USPL1: variants seen among roughly 807,000 people sequenced by gnomAD.
USPL1 encodes the protein ubiquitin specific peptidase like 1.
A neutral mutation model predicts 51.5 loss-of-function variants in USPL1; 27 were observed. That is an observed-to-expected ratio of 0.52 (90% CI 0.39 to 0.72). The LOEUF is 0.72. Ranked by LOEUF, USPL1 falls within the 30% of genes least tolerant of loss-of-function variation. The pLI is 0.00. For missense variants in USPL1, 1,226 were observed against 1,268.0 expected, an observed-to-expected ratio of 0.97 and a Z score of 0.50; for synonymous variants, 451 against 459.6, an observed-to-expected ratio of 0.98 and a Z score of 0.24.
Position 30,641,820 on chromosome 13 carries a change from T to C in USPL1, c.983-808T>C, listed in dbSNP as rs141080672. 4.7e-3 allele frequency among the ~76,000 whole-genome samples: 720 copies of C among 152,260 alleles called. 10 individuals carry two copies. Among genetic ancestry groups the C allele is most frequent in the African/African-American group, 0.017 (690 of 41,560 alleles). Reference sequence around the variant, plus strand: ...CCTCTCCACAGGTGGAACAAGATGATCAGAATAGAAATGGCCAATTCTGAT... The same window carrying C: ...CCTCTCCACAGGTGGAACAAGATGACCAGAATAGAAATGGCCAATTCTGAT... On this transcript the variant is annotated intron_variant, in intron 5 of 8. Coordinates refer to ENST00000255304, the MANE Select transcript of USPL1 (RefSeq NM_005800.5).
In USPL1 at chr13:30,658,576, A is replaced by G. The variant is rs1022774561; in HGVS notation, c.2499A>G (p.Pro833=). The change falls in exon 9 of 9, where the codon CCA becomes CCG. Residue 833 remains proline, a synonymous_variant. Coordinates refer to ENST00000255304, the MANE Select transcript of USPL1 (RefSeq NM_005800.5). ...TCAGTAAGCCACCAGCAGGCCCTCCATCGTCTAATGGCACAGCTGCCCACC... is the reference window on the plus strand; with the variant it reads ...TCAGTAAGCCACCAGCAGGCCCTCCGTCGTCTAATGGCACAGCTGCCCACC... ...PPISKPPAGP[P]SSNGTAAHPH... 7.4e-6 allele frequency: 12 copies of G among 1,614,076 alleles called. No homozygotes were observed. Among genetic ancestry groups the G allele is most frequent in the South Asian group, 4.4e-5 (4 of 91,090 alleles).
At chr13:30,643,555 A>G (rs1034126779) in intron 6 of USPL1, among the ~76,000 whole-genome samples, 1 of 150,416 alleles carries the variant, frequency 6.6e-6, no homozygotes, top group Admixed American at 6.6e-5. Flanking sequence ...AGACTGGCTC[A>G]ATTGTTCGTG....
intron 7 of USPL1, among the ~76,000 whole-genome samples, chr13:30,650,826 C>A (rs1159096632): frequency 1.3e-5 from 2 of 151,842 alleles, no homozygotes; most frequent in African/African-American, 4.8e-5. Flanking sequence ...CCCATCTCTA[C>A]TAAAAATACA....
In USPL1 at chr13:30,631,307, C is replaced by T. The variant is rs1480119016; in HGVS notation, c.701C>T (p.Ala234Val). The part of the protein sequence containing the change: ...ALCVQWKNAY[A>V]LCWLDCILSA... Reference sequence around the variant, plus strand: ...TGTGTCCAGTGGAAAAATGCTTATGCTCTCTGTTGGTTAGACTGTATCCTG... The same window carrying T: ...TGTGTCCAGTGGAAAAATGCTTATGTTCTCTGTTGGTTAGACTGTATCCTG... Residue 234 changes from alanine to valine, a missense_variant, in exon 4 of 9, where the codon GCT (alanine) becomes GTT (valine). Physicochemically the swap from Ala to Val is moderately conservative, Grantham distance 64. Transcript: ENST00000255304. The T allele has an allele frequency of 3.7e-6, 6 of 1,614,014 alleles. No homozygotes were observed. The African/African-American group carries it at 5.3e-5, about 14-fold the overall frequency.
At chr13:30,627,946 C>T (rs921989627) in intron 3 of USPL1, among the ~76,000 whole-genome samples, 12 of 151,808 alleles carry the variant, frequency 7.9e-5, no homozygotes, top group East Asian at 1.9e-4. Flanking sequence ...GGCATGATCT[C>T]GGCTCGCTGC....
In USPL1 at chr13:30,659,083, T is replaced by C. The variant is rs879938755; in HGVS notation, c.3006T>C (p.His1002=). ...DFRYLGMGDS[H]IPPPVPSEFN... is the part of the protein sequence containing the mutation. ...GGTATTTGGGAATGGGAGATAGTCATATCCCACCACCAGTACCAAGTGAAT... is the reference window on the plus strand; with the variant it reads ...GGTATTTGGGAATGGGAGATAGTCACATCCCACCACCAGTACCAAGTGAAT... Residue 1002 remains histidine, a synonymous_variant, in exon 9 of 9, where the codon CAT becomes CAC. Coordinates refer to ENST00000255304, the MANE Select transcript of USPL1 (RefSeq NM_005800.5). 5 of 1,614,094 alleles carry C rather than the reference T, an allele frequency of 3.1e-6. No individual in the cohort carries two copies. The African/African-American group carries it at 4.0e-5, about 13-fold the overall frequency.
chr13:30,620,783 T>C (rs1950636721), intron 1 of USPL1, among the ~76,000 whole-genome samples: 1 of 152,158 alleles, frequency 6.6e-6, no homozygotes, highest in Admixed American at 6.5e-5. Flanking sequence ...GTCAATATAG[T>C]TTGCTTTAAA....
intron 6 of USPL1, among the ~76,000 whole-genome samples, chr13:30,643,284 C>T (rs1337928274): frequency 6.6e-6 from 1 of 152,188 alleles, no homozygotes; most frequent in Non-Finnish European, 1.5e-5. Flanking sequence ...GTACCTGTTA[C>T]CTTCAGGCTT....
intron 6 of USPL1, 73 bp from the exon 7 acceptor site, chr13:30,646,859 A>G: frequency 6.7e-7 from 1 of 1,488,408 alleles, no homozygotes; most frequent in Non-Finnish European, 9.1e-7. Flanking sequence ...GGGGAGGAAT[A>G]CTTTTAGACA....
chr13:30,626,827 G>A (rs1010728964), intron 3 of USPL1, among the ~76,000 whole-genome samples: 3 of 151,388 alleles, frequency 2.0e-5, no homozygotes, highest in Admixed American at 6.6e-5. Context: ...ATCATTCAGC[G>A]TTTACTTTGG....
intron 1 of USPL1, among the ~76,000 whole-genome samples, chr13:30,620,505 A>G (rs1950633011): frequency 6.6e-6 from 1 of 152,232 alleles, no homozygotes; most frequent in South Asian, 2.1e-4. Flanking sequence ...TTTTGTTCAG[A>G]TAACAAAATA....
intron 1 of USPL1, among the ~76,000 whole-genome samples, chr13:30,619,714 C>G (rs369186395): frequency 4.6e-5 from 7 of 152,312 alleles, no homozygotes; most frequent in African/African-American, 1.7e-4. Context: ...TCTGGACCAA[C>G]ATCTGCAGGT....
At chr13:30,646,675 A>G (rs1951021514) in intron 6 of USPL1, among the ~76,000 whole-genome samples, 1 of 152,214 alleles carries the variant, frequency 6.6e-6, no homozygotes, top group Non-Finnish European at 1.5e-5. Flanking sequence ...CTCTGGTGAA[A>G]AATGCAGTGA....
At chr13:30,635,635 A>T (rs935307862) in intron 4 of USPL1, among the ~76,000 whole-genome samples, 2 of 152,082 alleles carry the variant, frequency 1.3e-5, no homozygotes, top group Non-Finnish European at 2.9e-5. Context: ...TATTTTGGGG[A>T]CAGATGTGAC....
rs147427396 is a variant in USPL1, at chr13:30,658,174, C to T, written c.2097C>T (p.Asp699=). Residue 699 remains aspartate, a synonymous_variant, in exon 9 of 9, where the codon GAC becomes GAT. Coordinates refer to ENST00000255304, the MANE Select transcript of USPL1 (RefSeq NM_005800.5). ...TGAAGTCAGTAGAAATTGAGAAGGA[C>T]GCTCAGTTAAAACAATTCCTTACAC... ...QGVKSVEIEK[D]AQLKQFLTPK... is the part of the protein sequence containing the mutation. 1.1e-4 allele frequency: 182 copies of T among 1,613,034 alleles called. No individual in the cohort carries two copies. The highest frequency in any genetic ancestry group is 3.3e-4 in the Middle Eastern group (2 of 6,084).
Position 30,623,388 on chromosome 13 carries a change from T to C in USPL1, c.228+1496T>C, listed in dbSNP as rs144013176. Among the ~76,000 whole-genome samples the C allele has an allele frequency of 4.4e-4, 67 of 152,272 alleles. No homozygotes were observed. The East Asian group carries it at 0.012, about 26-fold the overall frequency. ...TTACTATGGGTGAAACCAGGAACCA[T>C]GGCAGAGATGTTGGCAGAGGAGTGA... On this transcript the variant is annotated intron_variant, in intron 3 of 8. Transcript: ENST00000255304.
intron 4 of USPL1, among the ~76,000 whole-genome samples, chr13:30,635,572 C>G (rs1950864953): frequency 6.6e-6 from 1 of 152,150 alleles, no homozygotes; most frequent in African/African-American, 2.4e-5. Context: ...TTTTATTCAA[C>G]TTCTTTTGAA....
intron 7 of USPL1, among the ~76,000 whole-genome samples, chr13:30,649,293 A>G (rs755889509): frequency 2.0e-5 from 3 of 152,108 alleles, no homozygotes; most frequent in Non-Finnish European, 2.9e-5. Context: ...TGTTTTTTTA[A>G]TTTTGAAATT....
At chr13:30,657,447 A>G (rs749722098) in intron 8 of USPL1, 27 bp from the exon 9 acceptor site, 8 of 1,549,728 alleles carry the variant, frequency 5.2e-6, no homozygotes, top group Admixed American at 2.1e-5. Context: ...TTGAATATCT[A>G]ACTTTCACTT....
Sources: allele counts gnomAD v4.1 joint callset (sites outside exome capture counted in the v4.1 genomes callset), GRCh38; gene constraint gnomAD v4.1.1; transcripts MANE v1.5; gene names NCBI Gene and HGNC (gene_info 2026-07-23, HGNC 2026-07-21).